Variants in MBTD1 observed in about 807,000 individuals in gnomAD.
MBTD1 encodes the protein mbt domain containing 1, also known as MBT domain-containing protein 1.
In MBTD1, 24 loss-of-function variants were observed where a neutral mutation model predicts 87.8. The ratio of observed to expected loss-of-function variants is 0.27; its 90% CI spans 0.20 to 0.38. The LOEUF is 0.38. MBTD1 is among the 10% of genes least tolerant of loss of function. MBTD1 has a pLI of 1.00. For synonymous variants in MBTD1, 237 were observed against 248.6 expected, an observed-to-expected ratio of 0.95 and a Z score of 0.44; for missense variants, 436 against 760.2, an observed-to-expected ratio of 0.57 and a Z score of 5.02.
chr17:51,185,484 T>C (rs1280395992), intron 16 of MBTD1: 1 of 152,232 alleles, frequency 6.6e-6, no homozygotes, highest in Non-Finnish European at 1.5e-5. Context: ...TATACATACA[T>C]AATCATGAAC....
chr17:51,211,756 A>G (rs1163480975), intron 6 of MBTD1, among the ~76,000 whole-genome samples: 2 of 151,778 alleles, frequency 1.3e-5, no homozygotes, highest in Non-Finnish European at 2.9e-5. Flanking sequence ...CCTTTAATAG[A>G]GTCCTGTGTG....
At chr17:51,208,254 T>C (rs1598336311) in intron 6 of MBTD1, among the ~76,000 whole-genome samples, 1 of 152,224 alleles carries the variant, frequency 6.6e-6, no homozygotes, top group Non-Finnish European at 1.5e-5. Flanking sequence ...AATCAATTAA[T>C]GGCTACTGGT....
chr17:51,252,550 A>G (rs1399082833), intron 2 of MBTD1, among the ~76,000 whole-genome samples: 2 of 152,104 alleles, frequency 1.3e-5, no homozygotes, highest in Non-Finnish European at 2.9e-5. Flanking sequence ...AGCCTGGCCA[A>G]TATGGTAAAA....
At chr17:51,220,031 A>G (rs1402480205) in intron 4 of MBTD1, among the ~76,000 whole-genome samples, 2 of 152,264 alleles carry the variant, frequency 1.3e-5, no homozygotes, top group Admixed American at 6.5e-5. Flanking sequence ...AAGGGGAAAC[A>G]GGAAAATGTC....
chr17:51,231,451 T>A (rs367777380), intron 2 of MBTD1, among the ~76,000 whole-genome samples: 37 of 142,866 alleles, frequency 2.6e-4, no homozygotes, highest in Non-Finnish European at 4.4e-4. Context: ...ATTTTTTTTT[T>A]AAAAGTACCA....
At chr17:51,184,022 G>A (rs1233884677) in intron 16 of MBTD1, 1 of 152,166 alleles carries the variant, frequency 6.6e-6, no homozygotes, top group African/African-American at 2.4e-5. Flanking sequence ...ATATCTTGAA[G>A]CAATATGCAT....
chr17:51,217,097 G>A (rs1395877379), intron 6 of MBTD1, among the ~76,000 whole-genome samples: 1 of 151,992 alleles, frequency 6.6e-6, no homozygotes, highest in Admixed American at 6.6e-5. Flanking sequence ...GAGAAGACTA[G>A]TACTTCTCCC....
chr17:51,242,287 T>G (rs2054201970), intron 2 of MBTD1, among the ~76,000 whole-genome samples: 1 of 152,198 alleles, frequency 6.6e-6, no homozygotes, highest in African/African-American at 2.4e-5. Flanking sequence ...CTCCAAGCCA[T>G]CCCCACAGGG....
At chr17:51,224,434 A>AAC (rs1568202411) in intron 3 of MBTD1, among the ~76,000 whole-genome samples, 6 of 152,216 alleles carry the variant, frequency 3.9e-5, no homozygotes, top group Admixed American at 3.9e-4. Context: ...CCAGAAGCAA[A>AAC]GTTAAAAAGG....
chr17:51,196,464 C>G (rs1201686478), intron 12 of MBTD1, among the ~76,000 whole-genome samples: 1 of 151,684 alleles, frequency 6.6e-6, no homozygotes, highest in Non-Finnish European at 1.5e-5. Flanking sequence ...CCTCAGGTGA[C>G]CCACCCACCT....
chr17:51,246,446 T>A (rs8076039), intron 2 of MBTD1, among the ~76,000 whole-genome samples: 59,819 of 151,992 alleles, frequency 0.39, 13,259 homozygotes, highest in East Asian at 0.6. Context: ...TGTTTTGTTG[T>A]TGCTATTGTA....
At chr17:51,186,787 C>A (rs964940412) in intron 16 of MBTD1, among the ~76,000 whole-genome samples, 1 of 150,586 alleles carries the variant, frequency 6.6e-6, no homozygotes, top group Non-Finnish European at 1.5e-5. Flanking sequence ...AAAAAAAAAC[C>A]AAAACAAAAC....
chr17:51,226,124 C>A (rs1004328230), intron 2 of MBTD1, among the ~76,000 whole-genome samples: 1 of 149,818 alleles, frequency 6.7e-6, no homozygotes, highest in South Asian at 2.1e-4. Context: ...TAGCTTGAGC[C>A]CAGGAGTTTG....
rs145826285 is a variant in MBTD1, at chr17:51,201,630, A to G, written c.1186T>C (p.Leu396=). ...GCGACACATATTGTAGAAAGATTTA[A>G]TGGGTCTATAGCTTCCAATTTCATT... ...EGMKLEAIDP[L]NLSTICVATI... is the part of the protein sequence containing the mutation. The change falls in exon 12 of 17, where the codon TTA becomes CTA. Residue 396 remains leucine (L), a synonymous_variant. Transcript: ENST00000586178. 185 of 1,610,598 alleles carry G rather than the reference A, an allele frequency of 1.1e-4. No homozygotes were observed. In the African/African-American group the frequency reaches 2.1e-3, roughly 18 times the overall value.
intron 16 of MBTD1, chr17:51,184,269 C>A (rs965715064): frequency 4.6e-5 from 7 of 152,218 alleles, no homozygotes; most frequent in Admixed American, 1.3e-4. Flanking sequence ...AAAACAGATC[C>A]TGTGGTTGAA....
rs560634071 is a variant in MBTD1, at chr17:51,207,110, A to G, written c.487-105T>C. ...CAATAATAGGAATATTAAACTAAAAATGTCATTTTAATTCCGTTTGTTTCC... is the reference window on the plus strand; with the variant it reads ...CAATAATAGGAATATTAAACTAAAAGTGTCATTTTAATTCCGTTTGTTTCC... On this transcript the variant is annotated intron_variant, in intron 6 of 16. Coordinates refer to ENST00000586178, the MANE Select transcript of MBTD1 (RefSeq NM_017643.3). 3.3e-5 allele frequency: 19 copies of G among 581,328 alleles called. No homozygotes were observed. The East Asian group carries it at 5.1e-4, about 16-fold the overall frequency. The allele number at this position is 581,328 out of a possible 1,614,324, so 36.0% of individuals were successfully genotyped here.
chr17:51,249,307 A>AT (rs2054636783), intron 2 of MBTD1, among the ~76,000 whole-genome samples: 1 of 152,124 alleles, frequency 6.6e-6, no homozygotes, highest in Non-Finnish European at 1.5e-5. Context: ...GATTCACATT[A>AT]TATTATTTAG....
At chr17:51,198,931 T>C (rs544594838) in intron 12 of MBTD1, among the ~76,000 whole-genome samples, 27 of 152,004 alleles carry the variant, frequency 1.8e-4, no homozygotes, top group African/African-American at 4.8e-4. Context: ...GCCTTTCGAG[T>C]AGCTGGGATT....
chr17:51,211,501 GT>G (rs991905538), intron 6 of MBTD1, among the ~76,000 whole-genome samples: 1 of 87,794 alleles, frequency 1.1e-5, no homozygotes, highest in Non-Finnish European at 2.2e-5. Context: ...GAGTGAGACT[GT>G]TTAAAAAAAA....
Sources: allele counts gnomAD v4.1 joint callset (sites outside exome capture counted in the v4.1 genomes callset), GRCh38; gene constraint gnomAD v4.1.1; transcripts MANE v1.5; gene names NCBI Gene and HGNC (gene_info 2026-07-23, HGNC 2026-07-21).